The following CLASP1 variants were observed in gnomAD, a reference collection of about 807,000 sequenced individuals.
The protein encoded by CLASP1 is CLIP-associating protein 1.
A neutral mutation model predicts 192.3 loss-of-function variants in CLASP1; 38 were observed. The observed-to-expected ratio is 0.20, with a 90% CI of 0.15 to 0.26. CLASP1 has a LOEUF of 0.26. Ranked by LOEUF, CLASP1 falls within the 10% of genes least tolerant of loss-of-function variation. The pLI is 1.00. For missense variants in CLASP1, 1,433 were observed against 1,932.5 expected (o/e 0.74, Z 4.85); for synonymous variants, 691 against 712.8 (o/e 0.97, Z 0.49).
intron 2 of CLASP1, among the ~76,000 whole-genome samples, chr2:121,604,872 G>A (rs549217004): frequency 2.6e-5 from 4 of 152,204 alleles, no homozygotes; most frequent in South Asian, 4.1e-4. Flanking sequence ...CTTTAACAAC[G>A]TCTATAGCAC....
intron 8 of CLASP1, among the ~76,000 whole-genome samples, chr2:121,472,781 A>G (rs1201304819): frequency 6.6e-6 from 1 of 152,234 alleles, no homozygotes; most frequent in Non-Finnish European, 1.5e-5. Context: ...GGGAAGCTCC[A>G]AACAGCCAAA....
intron 2 of CLASP1, among the ~76,000 whole-genome samples, chr2:121,592,991 A>C (rs2062601671): frequency 1.3e-5 from 2 of 152,202 alleles, no homozygotes; most frequent in South Asian, 4.1e-4. Context: ...CTGAAGCTAT[A>C]GGTGAAAGTT....
intron 26 of CLASP1, chr2:121,403,371 T>C (rs1239853121): frequency 6.6e-6 from 3 of 456,204 alleles, no homozygotes; most frequent in Non-Finnish European, 1.3e-5. Context: ...GGTGAATGAA[T>C]GGGTGGATGG....
chr2:121,408,127 A>C (rs2077183797), intron 24 of CLASP1, among the ~76,000 whole-genome samples: 1 of 152,240 alleles, frequency 6.6e-6, no homozygotes, highest in Non-Finnish European at 1.5e-5. Context: ...TATATGTTAA[A>C]TATTTCAGCT....
rs573326922 is a variant in CLASP1, at chr2:121,574,646, A to C, written c.195+31055T>G. Reference sequence around the variant, plus strand: ...CAAGACTCCATATCAAAAAAAAAAAAAAAAAACAAAAACCGGGTGCGGTGG... The same window carrying C: ...CAAGACTCCATATCAAAAAAAAAAACAAAAAACAAAAACCGGGTGCGGTGG... On this transcript the variant is annotated intron_variant, in intron 2 of 39. Transcript: ENST00000263710. Among the ~76,000 whole-genome samples, 33 of 151,148 alleles carry C rather than the reference A, an allele frequency of 2.2e-4. No individual in the cohort carries two copies. The East Asian group carries it at 4.7e-3, about 21-fold the overall frequency.
intron 2 of CLASP1, among the ~76,000 whole-genome samples, chr2:121,604,521 A>G (rs1169037639): frequency 6.6e-6 from 1 of 152,092 alleles, no homozygotes; most frequent in East Asian, 1.9e-4. Context: ...TACAAAAATT[A>G]GCTGGGCATG....
chr2:121,530,859 A>G (rs868617067), intron 2 of CLASP1: 2 of 669,170 alleles, frequency 3.0e-6, no homozygotes, highest in Admixed American at 4.2e-5. Context: ...TCCTGCTTGC[A>G]GCCCAGGGAC....
rs1222056744 is a variant in CLASP1 at position 121,503,149 on chromosome 2, A to T, written c.712+18T>A. ...TAAAACTGAAAAAGCAAAAGTAGGG[A>T]TTGCTTTTTCTACTCACCATTTGCA... On this transcript the variant is annotated intron_variant, in intron 8 of 39. Transcript: ENST00000263710. The T allele has an allele frequency of 1.3e-6, 2 of 1,507,826 alleles. No individual in the cohort carries two copies. Among genetic ancestry groups the T allele is most frequent in the Non-Finnish European group, 1.8e-6 (2 of 1,109,012 alleles). 93.4% of individuals were successfully genotyped at this position (1,507,826 alleles called of 1,614,324 possible).
chr2:121,368,105 G>GGGATGAAAGGCTCAGAAGCCTTTCCTTGA (rs1343244865), intron 34 of CLASP1, among the ~76,000 whole-genome samples: 4 of 152,068 alleles, frequency 2.6e-5, no homozygotes, highest in African/African-American at 9.7e-5. Context: ...TGTTTTCTGA[G>GGGATGAAAGGCTCAGAAGCCTTTCCTTGA]GGATGAAAGG....
At chr2:121,616,687 C>T (rs1183268941) in intron 1 of CLASP1, among the ~76,000 whole-genome samples, 2 of 152,144 alleles carry the variant, frequency 1.3e-5, no homozygotes, top group Admixed American at 6.5e-5. Flanking sequence ...TGATCGAAAA[C>T]GAAGAAAGAC....
At chr2:121,520,752 C>A (rs977231581) in intron 6 of CLASP1, among the ~76,000 whole-genome samples, 2 of 152,164 alleles carry the variant, frequency 1.3e-5, no homozygotes, top group East Asian at 3.8e-4. Flanking sequence ...CAAGGGAATT[C>A]TTATTGTTAG....
exon 9 of CLASP1, chr2:121,469,814 A>T (rs1221140472): frequency 1.2e-6 from 2 of 1,611,472 alleles, no homozygotes; most frequent in Non-Finnish European, 1.7e-6. Flanking sequence ...TAACCTGAAG[A>T]CTTGGATCCA....
rs546854641 is a variant in CLASP1, at chr2:121,550,150, T to C, written c.196-19825A>G. ...TATACGACATGCTCTTGAAAGACTT[T>C]AGGGTAAATAAAGAAATTAAGGCAG... On this transcript the variant is annotated intron_variant, in intron 2 of 39. Coordinates refer to ENST00000263710, the Ensembl canonical transcript of CLASP1. 2.0e-5 allele frequency among the ~76,000 whole-genome samples: 3 copies of C among 152,212 alleles called. No homozygotes were observed. In the East Asian group the frequency reaches 5.8e-4, roughly 29 times the overall value.
intron 19 of CLASP1, among the ~76,000 whole-genome samples, chr2:121,439,239 A>G (rs959618408): frequency 2.0e-5 from 3 of 152,002 alleles, no homozygotes; most frequent in African/African-American, 2.4e-5. Context: ...TAGTCTTGTT[A>G]GCAGTCTATC....
At position 121,538,418 on chromosome 2, in the gene CLASP1, A is replaced by T. The variant is rs755932195; in HGVS notation, c.196-8093T>A. ...TAAGAGCAAAACTCCGTCTCAAAAA[A>T]TTTTTTTAAAAAAAGTATGAAAATT... On this transcript the variant is annotated intron_variant, in intron 2 of 39. Transcript: ENST00000263710. 5.9e-5 allele frequency among the ~76,000 whole-genome samples: 9 copies of T among 151,792 alleles called. No individual in the cohort carries two copies. The East Asian group carries it at 7.7e-4, about 13-fold the overall frequency.
At chr2:121,557,832 T>C (rs946550138) in intron 2 of CLASP1, among the ~76,000 whole-genome samples, 5 of 151,610 alleles carry the variant, frequency 3.3e-5, no homozygotes, top group South Asian at 2.1e-4. Flanking sequence ...CCTGTAATCC[T>C]AGCACTTTGG....
intron 2 of CLASP1, among the ~76,000 whole-genome samples, chr2:121,587,556 G>A (rs1003134876): frequency 6.6e-6 from 1 of 152,080 alleles, no homozygotes; most frequent in Non-Finnish European, 1.5e-5. Context: ...TCAGCCGGGC[G>A]AGGTGGCTCA....
exon 38 of CLASP1, chr2:121,348,614 G>A: frequency 6.2e-7 from 1 of 1,613,926 alleles, no homozygotes; most frequent in South Asian, 1.1e-5. Flanking sequence ...CAAGGTTGAT[G>A]GGGTAGTCGG....
intron 9 of CLASP1, among the ~76,000 whole-genome samples, chr2:121,462,865 T>C (rs765181127): frequency 2.6e-5 from 4 of 152,188 alleles, no homozygotes; most frequent in African/African-American, 9.7e-5. Flanking sequence ...AGGGAGGGTA[T>C]GGGTTTTAAA....
Sources: allele counts gnomAD v4.1 joint callset (sites outside exome capture counted in the v4.1 genomes callset), GRCh38; gene constraint gnomAD v4.1.1; transcripts MANE v1.5; gene names NCBI Gene and HGNC (gene_info 2026-07-23, HGNC 2026-07-21).